The following CAMK2D variants were observed in gnomAD, a reference collection of about 807,000 sequenced individuals.
The protein encoded by CAMK2D is calcium/calmodulin-dependent protein kinase type II subunit delta.
Under a neutral mutation model 84.0 loss-of-function variants are expected in CAMK2D, and 37 were observed. The ratio of observed to expected loss-of-function variants is 0.44; its 90% CI spans 0.34 to 0.58. The LOEUF (loss-of-function observed/expected upper bound fraction) is 0.58. CAMK2D is among the 20% of genes least tolerant of loss of function. The pLI is 0.02. For synonymous variants in CAMK2D, 202 were observed against 212.5 expected (o/e 0.95, Z 0.43); for missense variants, 448 against 652.5 (o/e 0.69, Z 3.41).
At chr4:113,704,360 A>T (rs1177796174) in intron 2 of CAMK2D, among the ~76,000 whole-genome samples, 2 of 152,098 alleles carry the variant, frequency 1.3e-5, no homozygotes, top group African/African-American at 2.4e-5. Context: ...ATATTTTACT[A>T]AAAAAATTGA....
At chr4:113,574,215 G>A (rs1306676550) in intron 4 of CAMK2D, among the ~76,000 whole-genome samples, 2 of 152,090 alleles carry the variant, frequency 1.3e-5, no homozygotes, top group Non-Finnish European at 2.9e-5. Flanking sequence ...ATCCCACAGA[G>A]TTCAGTGCTT....
chr4:113,726,374 C>CTTTTTTTTT lies in CAMK2D; in HGVS notation c.160+32937_160+32945dup, dbSNP rs34696947. Among the ~76,000 whole-genome samples the CTTTTTTTTT allele has an allele frequency of 4.2e-4, 29 of 69,580 alleles. 1 individual carries two copies. Among genetic ancestry groups the CTTTTTTTTT allele is most frequent in the African/African-American group, 1.2e-3 (22 of 17,780 alleles). 45.6% of individuals were successfully genotyped at this position (69,580 alleles called of 152,430 possible). On this transcript the variant is annotated intron_variant, in intron 2 of 20. Transcript: ENST00000511664. ...CATAAGATTGCTTGTTTTGCTTGGG[C>CTTTTTTTTT]TTTTTTTTTTTTTTTTTTTTTTTTG... is the stretch of plus-strand genomic sequence containing the variant.
chr4:113,484,982 A>G (rs1341400201), intron 16 of CAMK2D, among the ~76,000 whole-genome samples: 13 of 152,136 alleles, frequency 8.5e-5, no homozygotes, highest in Non-Finnish European at 1.9e-4. Context: ...ACGATATAAT[A>G]TTGGAGTAAT....
Position 113,761,498 on chromosome 4 carries a change from C to G in CAMK2D, c.-430G>C, listed in dbSNP as rs2099641324. The G allele has an allele frequency of 9.6e-7, 1 of 1,042,356 alleles. No homozygotes were observed. Among genetic ancestry groups the G allele is most frequent in the South Asian group, 3.3e-5 (1 of 30,720 alleles). 64.6% of individuals were successfully genotyped at this position (1,042,356 alleles called of 1,614,324 possible). On this transcript the variant is annotated 5_prime_UTR_variant, in exon 1 of 21. Transcript: ENST00000511664. ...GAGTAGAAGCAGAGGGGAGGGAGTCCGAGGGGGCGGAGGTGGAGTGCAGCG... is the reference window on the plus strand; with the variant it reads ...GAGTAGAAGCAGAGGGGAGGGAGTCGGAGGGGGCGGAGGTGGAGTGCAGCG...
chr4:113,675,562 T>C (rs1427402948), intron 2 of CAMK2D, among the ~76,000 whole-genome samples: 1 of 152,136 alleles, frequency 6.6e-6, no homozygotes, highest in Non-Finnish European at 1.5e-5. Context: ...TCTAACTCAT[T>C]GGTTCCACAA....
At chr4:113,458,946 A>G (rs1486216085) in intron 18 of CAMK2D, among the ~76,000 whole-genome samples, 1 of 152,174 alleles carries the variant, frequency 6.6e-6, no homozygotes, top group Non-Finnish European at 1.5e-5. Flanking sequence ...GGAAAAAGAG[A>G]AGGATAAAGG....
At chr4:113,663,197 T>A (rs2099242189) in intron 2 of CAMK2D, among the ~76,000 whole-genome samples, 1 of 152,200 alleles carries the variant, frequency 6.6e-6, no homozygotes, top group African/African-American at 2.4e-5. Context: ...TTCCAACTTA[T>A]TTAGAAGTAT....
intron 3 of CAMK2D, among the ~76,000 whole-genome samples, chr4:113,632,020 A>G (rs1354250222): frequency 6.6e-6 from 1 of 152,180 alleles, no homozygotes; most frequent in Non-Finnish European, 1.5e-5. Flanking sequence ...AATGATAGGC[A>G]TATGTATTTA....
chr4:113,635,745 C>T (rs1320327108), intron 3 of CAMK2D, among the ~76,000 whole-genome samples: 1 of 152,060 alleles, frequency 6.6e-6, no homozygotes, highest in African/African-American at 2.4e-5. Flanking sequence ...CTAGTTGGTG[C>T]CTTTTTTGGT....
intron 2 of CAMK2D, among the ~76,000 whole-genome samples, chr4:113,733,637 T>G (rs1286641874): frequency 1.3e-5 from 2 of 152,196 alleles, no homozygotes; most frequent in African/African-American, 2.4e-5. Flanking sequence ...TGCTTTGATA[T>G]CATTGTAAAA....
intron 19 of CAMK2D, 104 bp from the exon 20 acceptor site, chr4:113,455,925 C>T (rs1050043498): frequency 1.4e-6 from 1 of 689,924 alleles, no homozygotes; most frequent in Non-Finnish European, 2.6e-6. Context: ...AACCTAAACC[C>T]CTGGTACTGT....
intron 3 of CAMK2D, among the ~76,000 whole-genome samples, chr4:113,621,573 A>G (rs1037571833): frequency 5.3e-5 from 8 of 152,222 alleles, no homozygotes; most frequent in African/African-American, 1.9e-4. Context: ...ATAAATGAGT[A>G]GCTTCATGAA....
intron 2 of CAMK2D, among the ~76,000 whole-genome samples, chr4:113,735,946 T>C (rs886439336): frequency 6.6e-6 from 1 of 152,114 alleles, no homozygotes; most frequent in Non-Finnish European, 1.5e-5. Flanking sequence ...TATCCTGTTG[T>C]TTATCCTCTT....
In CAMK2D at chr4:113,615,736, T is replaced by C. The variant is rs183529898; in HGVS notation, c.221-6530A>G. ...GAATAGAAATATAGACAGGTATAGA[T>C]ACATATTAATTTTTATGTTGTTATT... On this transcript the variant is annotated intron_variant, in intron 3 of 20. Coordinates refer to ENST00000511664, the MANE Select transcript of CAMK2D (RefSeq NM_001321571.2). Among the ~76,000 whole-genome samples the C allele has an allele frequency of 2.9e-4, 44 of 152,240 alleles. No individual in the cohort carries two copies. The East Asian group carries it at 8.5e-3, about 29-fold the overall frequency.
chr4:113,724,699 T>C (rs1465017010), intron 2 of CAMK2D, among the ~76,000 whole-genome samples: 2 of 151,980 alleles, frequency 1.3e-5, no homozygotes, highest in African/African-American at 4.8e-5. Context: ...TATTTGTCTT[T>C]GTATTTTGTT....
rs200690900 is a variant in CAMK2D at position 113,515,476 on chromosome 4, TAAG to T, written c.697-288_697-286del. ...TTTTAAAATTCAGAAAAAAAGAACT[TAAG>T]AATCTTCTATTCTTCTCAAAGTATC... On this transcript the variant is annotated intron_variant, in intron 9 of 20. Transcript: ENST00000511664. 7.6e-3 allele frequency among the ~76,000 whole-genome samples: 1,163 copies of T among 152,270 alleles called. 19 individuals carry two copies. Among genetic ancestry groups the T allele is most frequent in the African/African-American group, 0.026 (1,087 of 41,552 alleles).
At chr4:113,660,745 G>C (rs2099226433) in intron 3 of CAMK2D, among the ~76,000 whole-genome samples, 1 of 150,810 alleles carries the variant, frequency 6.6e-6, no homozygotes, top group Admixed American at 6.6e-5. Context: ...GTAAAGTGAT[G>C]ACATAAATCC....
intron 2 of CAMK2D, among the ~76,000 whole-genome samples, chr4:113,727,830 A>T (rs1246242861): frequency 1.3e-5 from 2 of 152,194 alleles, no homozygotes; most frequent in Non-Finnish European, 2.9e-5. Flanking sequence ...AAAAATCCAA[A>T]TAATGCACAT....
At chr4:113,579,047 A>T (rs1208039741) in intron 4 of CAMK2D, among the ~76,000 whole-genome samples, 1 of 152,212 alleles carries the variant, frequency 6.6e-6, no homozygotes, top group Non-Finnish European at 1.5e-5. Flanking sequence ...TGTACAAATC[A>T]GGAGACAGCC....
Sources: allele counts gnomAD v4.1 joint callset (sites outside exome capture counted in the v4.1 genomes callset), GRCh38; gene constraint gnomAD v4.1.1; transcripts MANE v1.5; gene names NCBI Gene and HGNC (gene_info 2026-07-23, HGNC 2026-07-21).